The following TMEFF2 variants were observed in gnomAD, a reference collection of about 807,000 sequenced individuals.
The protein encoded by TMEFF2 is transmembrane protein with EGF like and two follistatin like domains 2, also known as tomoregulin-2.
A neutral mutation model predicts 53.8 loss-of-function variants in TMEFF2; 28 were observed. The ratio of observed to expected loss-of-function variants is 0.52; its 90% CI spans 0.39 to 0.71. TMEFF2 has a LOEUF of 0.71. Among genes scored for constraint, TMEFF2 ranks in the 30% least tolerant of loss-of-function variants. The probability of loss-of-function intolerance (pLI) is 0.00; values close to 1 mark genes in which losing one functional copy is unlikely to be tolerated. For synonymous variants in TMEFF2, 162 were observed against 166.3 expected (o/e 0.97, Z 0.20); for missense variants, 353 against 455.2 (o/e 0.78, Z 2.04).
At chr2:192,125,787 A>G (rs990709537) in intron 4 of TMEFF2, among the ~76,000 whole-genome samples, 10 of 152,322 alleles carry the variant, frequency 6.6e-5, no homozygotes, top group Non-Finnish European at 1.3e-4. Flanking sequence ...AAAACCAAAC[A>G]CTACATGTTC....
intron 4 of TMEFF2, among the ~76,000 whole-genome samples, chr2:192,089,626 C>T (rs1003434558): frequency 1.3e-5 from 2 of 152,152 alleles, no homozygotes; most frequent in Non-Finnish European, 2.9e-5. Flanking sequence ...CCCACAGCCA[C>T]CATCCTAGAC....
At chr2:192,030,641 G>A (rs1005709041) in intron 5 of TMEFF2, 6 of 152,072 alleles carry the variant, frequency 3.9e-5, no homozygotes, top group African/African-American at 1.4e-4. Context: ...TACAAAGAGT[G>A]AACTGATCAC....
At chr2:192,192,278 C>T (rs983266501) in intron 1 of TMEFF2, among the ~76,000 whole-genome samples, 1 of 149,880 alleles carries the variant, frequency 6.7e-6, no homozygotes, top group African/African-American at 2.4e-5. Flanking sequence ...GAAAGCTTAA[C>T]ATTTGCTTCC....
intron 4 of TMEFF2, among the ~76,000 whole-genome samples, chr2:192,128,302 T>C (rs1689727368): frequency 6.6e-6 from 1 of 152,210 alleles, no homozygotes; most frequent in Non-Finnish European, 1.5e-5. Context: ...AGGTAACAAA[T>C]CAGCATTAGT....
chr2:192,130,938 G>A lies in TMEFF2; in HGVS notation c.439+48730C>T, dbSNP rs555867646. ...ACTGGGAAGGCAGCCTTCCCTTGGT[G>A]TTTAATCATTGCAGGGACGCCTGAT... On this transcript the variant is annotated intron_variant, in intron 4 of 9. Coordinates refer to ENST00000272771, the MANE Select transcript of TMEFF2 (RefSeq NM_016192.4). 4.6e-5 allele frequency among the ~76,000 whole-genome samples: 7 copies of A among 151,956 alleles called. No individual in the cohort carries two copies. In the South Asian group the frequency reaches 1.0e-3, roughly 23 times the overall value.
chr2:192,174,941 C>T (rs910003580), intron 4 of TMEFF2, among the ~76,000 whole-genome samples: 1 of 151,534 alleles, frequency 6.6e-6, no homozygotes, highest in African/African-American at 2.4e-5. Flanking sequence ...AATTACTTAG[C>T]CTTTTACAAG....
At chr2:192,146,406 C>A (rs1690251414) in intron 4 of TMEFF2, among the ~76,000 whole-genome samples, 1 of 151,610 alleles carries the variant, frequency 6.6e-6, no homozygotes, top group Admixed American at 6.6e-5. Flanking sequence ...AAATTAATGA[C>A]CTAAAAATAT....
intron 9 of TMEFF2, among the ~76,000 whole-genome samples, chr2:191,951,233 TTA>T (rs371065323): frequency 9.6e-5 from 14 of 146,584 alleles, no homozygotes; most frequent in African/African-American, 3.5e-4. Context: ...GATAGATCTG[TTA>T]AAGAGAACAT....
At chr2:192,048,188 A>G (rs760562794) in intron 5 of TMEFF2, among the ~76,000 whole-genome samples, 2 of 152,106 alleles carry the variant, frequency 1.3e-5, no homozygotes, top group Non-Finnish European at 2.9e-5. Flanking sequence ...CTGAAAATTT[A>G]GAAAGAATAA....
At chr2:192,004,769 G>A (rs1686458721) in intron 5 of TMEFF2, among the ~76,000 whole-genome samples, 1 of 152,126 alleles carries the variant, frequency 6.6e-6, no homozygotes, top group South Asian at 2.1e-4. Flanking sequence ...AAAAGCACAC[G>A]TTTTTGAAAA....
intron 5 of TMEFF2, among the ~76,000 whole-genome samples, chr2:192,015,098 C>G (rs961446812): frequency 5.9e-5 from 9 of 152,128 alleles, no homozygotes; most frequent in Non-Finnish European, 1.0e-4. Flanking sequence ...TTCTGATACA[C>G]ATGTTCTGCC....
At chr2:192,032,655 G>C (rs1687169452) in intron 5 of TMEFF2, 3 of 152,166 alleles carry the variant, frequency 2.0e-5, no homozygotes, top group Non-Finnish European at 4.4e-5. Context: ...TTATTTGAGA[G>C]GCAATTTAAT....
chr2:192,072,566 A>AT (rs1315738931), intron 4 of TMEFF2, among the ~76,000 whole-genome samples: 1 of 64,642 alleles, frequency 1.5e-5, no homozygotes, highest in African/African-American at 4.9e-5. Context: ...GCATATTCGT[A>AT]TTTTTAGATT....
At chr2:192,173,647 A>G (rs1228452946) in intron 4 of TMEFF2, among the ~76,000 whole-genome samples, 1 of 151,828 alleles carries the variant, frequency 6.6e-6, no homozygotes, top group African/African-American at 2.4e-5. Flanking sequence ...TTTAAACATT[A>G]TTCCTTATTT....
intron 8 of TMEFF2, among the ~76,000 whole-genome samples, chr2:191,954,443 G>A (rs1692000920): frequency 6.6e-6 from 1 of 152,128 alleles, no homozygotes; most frequent in East Asian, 1.9e-4. Flanking sequence ...GTCCAGGAAT[G>A]ACTGTTATTT....
chr2:192,166,482 G>C (rs1690769821), intron 4 of TMEFF2, among the ~76,000 whole-genome samples: 1 of 152,138 alleles, frequency 6.6e-6, no homozygotes, highest in African/African-American at 2.4e-5. Context: ...ATTCCCAAAA[G>C]ATTTGCATTA....
At chr2:192,013,538 C>A (rs1344045847) in intron 5 of TMEFF2, among the ~76,000 whole-genome samples, 2 of 151,956 alleles carry the variant, frequency 1.3e-5, no homozygotes, top group Non-Finnish European at 2.9e-5. Context: ...GTAACCTCCG[C>A]CTCCTGGGTT....
intron 7 of TMEFF2, among the ~76,000 whole-genome samples, chr2:191,985,149 C>T (rs2105819349): frequency 6.6e-6 from 1 of 151,796 alleles, no homozygotes; most frequent in Non-Finnish European, 1.5e-5. Context: ...CTTACAATTC[C>T]ATAGTGAGTT....
intron 4 of TMEFF2, among the ~76,000 whole-genome samples, chr2:192,174,065 CA>C (rs1169867898): frequency 6.6e-6 from 1 of 151,664 alleles, no homozygotes; most frequent in Non-Finnish European, 1.5e-5. Context: ...AAACTGAGAG[CA>C]AAAATCAAAC....
Sources: allele counts gnomAD v4.1 joint callset (sites outside exome capture counted in the v4.1 genomes callset), GRCh38; gene constraint gnomAD v4.1.1; transcripts MANE v1.5; gene names NCBI Gene and HGNC (gene_info 2026-07-23, HGNC 2026-07-21).